Variants in CTNND2 observed in about 807,000 individuals in gnomAD.
The protein encoded by CTNND2 is catenin delta-2.
Under a neutral mutation model 144.4 loss-of-function variants are expected in CTNND2, and 22 were observed. The ratio of observed to expected loss-of-function variants is 0.15; its 90% confidence interval spans 0.11 to 0.22. The LOEUF (loss-of-function observed/expected upper bound fraction) is 0.22, where lower values mean the gene tolerates loss of function less well. Among genes scored for constraint, CTNND2 ranks in the 10% least tolerant of loss-of-function variants. CTNND2 has a pLI of 1.00. For synonymous variants in CTNND2, 751 were observed against 695.6 expected, an observed-to-expected ratio of 1.08 and a Z score of -1.25; for missense variants, 1,353 against 1,618.8, an observed-to-expected ratio of 0.84 and a Z score of 2.82.
intron 3 of CTNND2, among the ~76,000 whole-genome samples, chr5:11,547,123 G>A (rs1250913815): frequency 1.3e-5 from 2 of 151,900 alleles, no homozygotes; most frequent in Non-Finnish European, 2.9e-5. Flanking sequence ...ACAAAAATTA[G>A]CGGGCATGGT....
chr5:11,533,170 C>A (rs1773909506), intron 3 of CTNND2, among the ~76,000 whole-genome samples: 2 of 152,202 alleles, frequency 1.3e-5, no homozygotes, highest in Admixed American at 1.3e-4. Flanking sequence ...GGTCAGCCAT[C>A]TTTTCAAAAA....
intron 9 of CTNND2, among the ~76,000 whole-genome samples, chr5:11,263,819 C>T (rs1745163901): frequency 2.0e-5 from 3 of 152,190 alleles, no homozygotes. Flanking sequence ...CTACTCTAAA[C>T]ACACTCCAGT....
chr5:11,002,802 T>C (rs970522099), intron 18 of CTNND2, among the ~76,000 whole-genome samples: 7 of 152,238 alleles, frequency 4.6e-5, no homozygotes, highest in African/African-American at 1.7e-4. Context: ...ATTGATAATT[T>C]TGTTTCCAAA....
At chr5:11,244,345 C>T (rs1482116001) in intron 9 of CTNND2, among the ~76,000 whole-genome samples, 3 of 137,098 alleles carry the variant, frequency 2.2e-5, no homozygotes, top group East Asian at 4.3e-4. Flanking sequence ...AGTGCAGTGG[C>T]GCAATCTCGG....
At chr5:11,801,193 T>C (rs180967141) in intron 1 of CTNND2, among the ~76,000 whole-genome samples, 71 of 152,338 alleles carry the variant, frequency 4.7e-4, no homozygotes, top group Middle Eastern at 6.8e-3. Context: ...TGTTAGCTGA[T>C]GGGTACCAGT....
At chr5:11,078,475 G>A (rs1749184362) in intron 16 of CTNND2, among the ~76,000 whole-genome samples, 1 of 152,172 alleles carries the variant, frequency 6.6e-6, no homozygotes, top group African/African-American at 2.4e-5. Flanking sequence ...GATAGTAAAG[G>A]TTTCGTTGAA....
chr5:11,440,045 T>G (rs928978353), intron 3 of CTNND2, among the ~76,000 whole-genome samples: 1 of 152,050 alleles, frequency 6.6e-6, no homozygotes. Flanking sequence ...AGGTACAACT[T>G]GCAGAAGCCA....
At chr5:11,536,147 T>G (rs1292157807) in intron 3 of CTNND2, among the ~76,000 whole-genome samples, 1 of 152,236 alleles carries the variant, frequency 6.6e-6, no homozygotes, top group East Asian at 1.9e-4. Context: ...CACTGCAGCT[T>G]TGAACTAGTG....
At chr5:11,464,229 A>C (rs1417865676) in intron 3 of CTNND2, among the ~76,000 whole-genome samples, 1 of 152,106 alleles carries the variant, frequency 6.6e-6, no homozygotes, top group African/African-American at 2.4e-5. Flanking sequence ...ACAGATAAAC[A>C]AAATAAATAA....
chr5:11,741,736 ATATAT>A (rs896149319), intron 1 of CTNND2, among the ~76,000 whole-genome samples: 7 of 148,388 alleles, frequency 4.7e-5, no homozygotes, highest in African/African-American at 1.7e-4. Context: ...AAATTGTCTT[ATATAT>A]TATATATTCA....
At chr5:11,790,062 G>T (rs1340343184) in intron 1 of CTNND2, among the ~76,000 whole-genome samples, 2 of 152,210 alleles carry the variant, frequency 1.3e-5, no homozygotes, top group African/African-American at 2.4e-5. Flanking sequence ...AACATGCTTT[G>T]CTATAACTAG....
intron 1 of CTNND2, among the ~76,000 whole-genome samples, chr5:11,835,623 T>G (rs1488646471): frequency 6.6e-6 from 1 of 152,230 alleles, no homozygotes; most frequent in Non-Finnish European, 1.5e-5. Flanking sequence ...ATTCCCTTAC[T>G]ATCGTTTTAA....
chr5:11,596,784 G>T (rs1348925275), intron 2 of CTNND2, among the ~76,000 whole-genome samples: 1 of 152,132 alleles, frequency 6.6e-6, no homozygotes, highest in African/African-American at 2.4e-5. Context: ...GGTTACAGGT[G>T]GACAAACAGG....
chr5:11,313,187 A>G (rs1372834804), intron 9 of CTNND2, among the ~76,000 whole-genome samples: 2 of 152,064 alleles, frequency 1.3e-5, no homozygotes, highest in East Asian at 3.9e-4. Context: ...CTGCTTTTCA[A>G]CTCCGTCACA....
intron 7 of CTNND2, among the ~76,000 whole-genome samples, chr5:11,375,295 A>T (rs921702033): frequency 3.9e-5 from 6 of 152,210 alleles, no homozygotes; most frequent in Admixed American, 3.9e-4. Flanking sequence ...CCTAACTCTC[A>T]ACATAATTTA....
At chr5:11,055,100 G>C (rs190828715) in intron 16 of CTNND2, among the ~76,000 whole-genome samples, 41 of 152,276 alleles carry the variant, frequency 2.7e-4, no homozygotes, top group African/African-American at 9.1e-4. Context: ...CCACAGGCTT[G>C]ATTGAGGAAT....
intron 17 of CTNND2, among the ~76,000 whole-genome samples, chr5:11,022,457 G>T (rs768326308): frequency 6.6e-6 from 1 of 152,198 alleles, no homozygotes; most frequent in Non-Finnish European, 1.5e-5. Context: ...GCACAGAGCA[G>T]AGGGATGTAG....
At chr5:11,627,387 G>T (rs962400340) in intron 2 of CTNND2, among the ~76,000 whole-genome samples, 1 of 152,048 alleles carries the variant, frequency 6.6e-6, no homozygotes, top group African/African-American at 2.4e-5. Flanking sequence ...CCTTTTATTG[G>T]CTGTGTACCA....
intron 5 of CTNND2, among the ~76,000 whole-genome samples, chr5:11,400,864 T>G (rs1760582023): frequency 6.6e-6 from 1 of 152,228 alleles, no homozygotes; most frequent in Non-Finnish European, 1.5e-5. Flanking sequence ...TGAAGAGGCT[T>G]GGATCCTTAT....
Sources: gnomAD v4.1 joint callset for allele counts (sites outside exome capture counted in the v4.1 genomes callset) on GRCh38, gnomAD v4.1.1 for gene constraint, MANE v1.5 for transcripts, NCBI Gene and HGNC (gene_info 2026-07-23, HGNC 2026-07-21) for gene names.